Variants in INO80 observed in about 807,000 individuals in gnomAD.
INO80 encodes chromatin-remodeling ATPase INO80.
INO80 carries 20 observed loss-of-function variants against 203.4 expected under a neutral mutation model. The observed-to-expected ratio is 0.10, with a 90% CI of 0.07 to 0.14. The LOEUF (loss-of-function observed/expected upper bound fraction) is 0.14, where lower values mean the gene tolerates loss of function less well. Among genes scored for constraint, INO80 ranks in the 10% least tolerant of loss-of-function variants. INO80 has a pLI of 1.00. For synonymous variants in INO80, 726 were observed against 685.2 expected (o/e 1.06, Z -0.93); for missense variants, 1,419 against 1,914.4 (o/e 0.74, Z 4.83).
Position 41,070,300 on chromosome 15 carries a change from C to T in INO80, c.1686+167G>A, listed in dbSNP as rs547399029. Among the ~76,000 whole-genome samples, 24 of 152,252 alleles carry T rather than the reference C, an allele frequency of 1.6e-4. No homozygotes were observed. The East Asian group carries it at 4.0e-3, about 26-fold the overall frequency. ...AAATTGTCCTAGCCCTCTTAAAAACCAAAAAGTTATAAAACACTGTCCCCT... is the reference window on the plus strand; with the variant it reads ...AAATTGTCCTAGCCCTCTTAAAAACTAAAAAGTTATAAAACACTGTCCCCT... On this transcript the variant is annotated intron_variant, in intron 13 of 35. Coordinates refer to ENST00000648947, the MANE Select transcript of INO80 (RefSeq NM_017553.3).
rs1442740250 is a variant in INO80, at chr15:41,053,573, T to C, written c.2274+356A>G. 1.3e-5 allele frequency among the ~76,000 whole-genome samples: 2 copies of C among 152,264 alleles called. 1 individual carries two copies. The highest frequency in any genetic ancestry group is 3.9e-4 in the East Asian group (2 of 5,180). Reference sequence around the variant, plus strand: ...AAACCAAATCTTTTAGAAATATACATGAAAATACTTCATAAACAAATATTC... The same window carrying C: ...AAACCAAATCTTTTAGAAATATACACGAAAATACTTCATAAACAAATATTC... On this transcript the variant is annotated intron_variant, in intron 19 of 35. Coordinates refer to ENST00000648947, the MANE Select transcript of INO80 (RefSeq NM_017553.3).
chr15:40,980,919 A>G (rs777931801), intron 35 of INO80, among the ~76,000 whole-genome samples: 4 of 152,100 alleles, frequency 2.6e-5, no homozygotes, highest in Non-Finnish European at 5.9e-5. Flanking sequence ...TCCTGTGTCT[A>G]TATTCATACA....
chr15:41,096,504 CTT>C (rs1015396632), intron 1 of INO80, among the ~76,000 whole-genome samples, 151 bp from the exon 2 acceptor site: 1 of 152,148 alleles, frequency 6.6e-6, no homozygotes, highest in South Asian at 2.1e-4. Context: ...TGATAAAGCT[CTT>C]GTTAGACACT....
At chr15:41,009,594 G>A (rs1418268803) in intron 27 of INO80, among the ~76,000 whole-genome samples, 1 of 151,718 alleles carries the variant, frequency 6.6e-6, no homozygotes, top group African/African-American at 2.4e-5. Flanking sequence ...TATGCGTTTT[G>A]GTTTTGTTTT....
At position 41,071,165 on chromosome 15, in the gene INO80, T is replaced by G. The variant is rs900484965; in HGVS notation, c.1606-618A>C. Among the ~76,000 whole-genome samples the G allele has an allele frequency of 3.3e-5, 5 of 152,200 alleles. No individual in the cohort carries two copies. In the East Asian group the frequency reaches 9.6e-4, roughly 29 times the overall value. On this transcript the variant is annotated intron_variant, in intron 12 of 35. Coordinates refer to ENST00000648947, the MANE Select transcript of INO80 (RefSeq NM_017553.3). ...GCCTGGGTGACAGAGTAAGATCCTG[T>G]CTCAAAAAGAAAGAGAAACAGAGAC...
chr15:41,103,451 G>A (rs1190856204), intron 1 of INO80, among the ~76,000 whole-genome samples: 2 of 152,100 alleles, frequency 1.3e-5, no homozygotes, highest in Non-Finnish European at 2.9e-5. Flanking sequence ...GTCCAGTGGC[G>A]CGATCTCAGC....
intron 9 of INO80, among the ~76,000 whole-genome samples, 166 bp from the exon 10 acceptor site, chr15:41,074,731 T>TA (rs1360667688): frequency 1.1e-4 from 16 of 152,214 alleles, no homozygotes. Flanking sequence ...TCAGTGGCAC[T>TA]AAAAGCAATG....
chr15:41,042,902 C>A (rs2044694271), intron 24 of INO80, among the ~76,000 whole-genome samples: 1 of 152,190 alleles, frequency 6.6e-6, no homozygotes, highest in Non-Finnish European at 1.5e-5. Context: ...TGTCTCCACA[C>A]ATATATAAGC....
chr15:41,007,182 CTTTT>C (rs11330780), intron 27 of INO80, among the ~76,000 whole-genome samples: 35 of 119,308 alleles, frequency 2.9e-4, no homozygotes, highest in African/African-American at 1.1e-3. Context: ...TTTTTTTTTT[CTTTT>C]TTTTTTTTTT....
chr15:41,074,241 T>C (rs1415507620), intron 10 of INO80, 129 bp downstream of exon 10: 2 of 552,510 alleles, frequency 3.6e-6, no homozygotes, highest in Non-Finnish European at 6.2e-6. Context: ...CCTACTCCAG[T>C]ACAATAAATC....
intron 8 of INO80, among the ~76,000 whole-genome samples, chr15:41,080,666 G>C (rs955440389): frequency 6.6e-6 from 1 of 152,102 alleles, no homozygotes; most frequent in African/African-American, 2.4e-5. Context: ...GACCAGCCTG[G>C]CCAACATGGT....
chr15:41,036,414 T>G (rs1377303744), intron 24 of INO80, among the ~76,000 whole-genome samples: 1 of 152,162 alleles, frequency 6.6e-6, no homozygotes, highest in African/African-American at 2.4e-5. Flanking sequence ...GTGTCACCTC[T>G]AGTTCTCAGA....
chr15:41,105,284 G>T (rs1047621045), intron 1 of INO80, among the ~76,000 whole-genome samples: 1 of 152,052 alleles, frequency 6.6e-6, no homozygotes, highest in African/African-American at 2.4e-5. Flanking sequence ...TTGGGGGTTG[G>T]GGGGGCACCT....
At chr15:41,033,354 T>G (rs1186979715) in intron 24 of INO80, among the ~76,000 whole-genome samples, 1 of 151,694 alleles carries the variant, frequency 6.6e-6, no homozygotes, top group Non-Finnish European at 1.5e-5. Flanking sequence ...TTTTTTTTTT[T>G]TGGAGACACA....
intron 1 of INO80, chr15:41,108,787 A>C (rs190623471): frequency 6.6e-6 from 1 of 152,222 alleles, no homozygotes; most frequent in South Asian, 2.1e-4. Flanking sequence ...ATATCTAACA[A>C]CACTATAAAG....
intron 29 of INO80, among the ~76,000 whole-genome samples, chr15:40,988,833 G>C (rs1392335968): frequency 6.6e-6 from 1 of 152,172 alleles, no homozygotes; most frequent in African/African-American, 2.4e-5. Context: ...TGGCTAACAT[G>C]GTGAAACCCC....
chr15:41,031,963 G>C (rs4923891), intron 24 of INO80, among the ~76,000 whole-genome samples: 2,504 of 48,482 alleles, frequency 0.052, 576 homozygotes, highest in South Asian at 0.1. Flanking sequence ...CACAGCACAG[G>C]ACAGCACAGC....
At chr15:41,049,789 G>T in intron 20 of INO80, 146 bp downstream of exon 20, 1 of 711,770 alleles carries the variant, frequency 1.4e-6, no homozygotes, top group South Asian at 2.1e-5. Flanking sequence ...GGGAGGCTGA[G>T]GCAGGAGAAT....
intron 28 of INO80, chr15:40,999,233 A>G (rs376205980): frequency 6.6e-6 from 1 of 152,218 alleles, no homozygotes; most frequent in Non-Finnish European, 1.5e-5. Context: ...AAACACCAGA[A>G]ACAAACATAC....
Sources: gnomAD v4.1 joint callset for allele counts (sites outside exome capture counted in the v4.1 genomes callset) on GRCh38, gnomAD v4.1.1 for gene constraint, MANE v1.5 for transcripts, NCBI Gene and HGNC (gene_info 2026-07-23, HGNC 2026-07-21) for gene names.